The following TNNI1 variants were observed in gnomAD, a reference collection of about 807,000 sequenced individuals.
TNNI1 encodes the protein troponin I, slow skeletal muscle.
A neutral mutation model predicts 26.7 loss-of-function variants in TNNI1; 14 were observed. That is an observed-to-expected ratio of 0.52 (90% confidence interval 0.35 to 0.82). The LOEUF (loss-of-function observed/expected upper bound fraction) is 0.82, where lower values mean the gene tolerates loss of function less well. TNNI1 is among the 40% of genes least tolerant of loss of function. TNNI1 has a pLI of 0.01. For synonymous variants in TNNI1, 79 were observed against 98.2 expected, an observed-to-expected ratio of 0.80 and a Z score of 1.16; for missense variants, 164 against 257.0, an observed-to-expected ratio of 0.64 and a Z score of 2.47.
Position 201,409,413 on chromosome 1 carries a change from C to T in TNNI1, c.*3-163G>A, listed in dbSNP as rs746543496. ...GGGCTCCTACAAAACCTCAGCTTCT[C>T]GGCCCTCGGGCACAGTTGCTCCCCT... On this transcript the variant is annotated intron_variant, in intron 8 of 8. Transcript: ENST00000361379. Among the ~76,000 whole-genome samples, 7 of 152,300 alleles carry T rather than the reference C, an allele frequency of 4.6e-5. No individual in the cohort carries two copies. The East Asian group carries it at 7.7e-4, about 17-fold the overall frequency.
Position 201,408,589 on chromosome 1 carries a change from C to G in TNNI1, c.*664G>C, listed in dbSNP as rs556138022. Reference sequence around the variant, plus strand: ...TTAATGGAGAGGCCTCTTCTGATGGCCAGAGTCAGGGGCAGGACGGGGTCA... The same window carrying G: ...TTAATGGAGAGGCCTCTTCTGATGGGCAGAGTCAGGGGCAGGACGGGGTCA... On this transcript the variant is annotated 3_prime_UTR_variant, in exon 9 of 9. Transcript: ENST00000361379. The G allele has an allele frequency of 2.6e-4, 39 of 152,210 alleles. No homozygotes were observed. The highest frequency in any genetic ancestry group is 8.9e-4 in the African/African-American group (37 of 41,384). 9.4% of individuals were successfully genotyped at this position (152,210 alleles called of 1,614,324 possible). A position where few individuals can be genotyped will look rare whatever the true frequency, so the allele number is the denominator to read the frequency against.
At chr1:201,419,623 C>G (rs1026970991) in intron 1 of TNNI1, among the ~76,000 whole-genome samples, 3 of 152,170 alleles carry the variant, frequency 2.0e-5, no homozygotes, top group Non-Finnish European at 4.4e-5. Context: ...CCAGAGCCAC[C>G]CCTTCCTCTG....
chr1:201,415,061 G>A, intron 4 of TNNI1, 152 bp downstream of exon 4: 6 of 724,318 alleles, frequency 8.3e-6, no homozygotes, highest in Non-Finnish European at 1.2e-5. Flanking sequence ...CCTGGCACTG[G>A]CTCCAGCAAT....
chr1:201,415,144 T>C, intron 4 of TNNI1, 69 bp downstream of exon 4: 1 of 1,389,608 alleles, frequency 7.2e-7, no homozygotes, highest in South Asian at 1.2e-5. Flanking sequence ...TCCACATCCC[T>C]TCAGAGTCTG....
intron 8 of TNNI1, 75 bp from the exon 9 acceptor site, chr1:201,409,325 AGCACATGCAG>A (rs1354977304): frequency 5.9e-5 from 9 of 152,240 alleles, no homozygotes; most frequent in African/African-American, 1.9e-4. Flanking sequence ...ACTTACCTAC[AGCACATGCAG>A]TCCCCAGGGC....
intron 5 of TNNI1, 22 bp downstream of exon 5, chr1:201,414,496 C>T (rs770361157): frequency 3.2e-6 from 5 of 1,551,264 alleles, no homozygotes; most frequent in Non-Finnish European, 4.4e-6. Flanking sequence ...CCACCCTGCC[C>T]CGCCCCACCT....
rs1662704530 is a variant in TNNI1, at chr1:201,414,726, C to T, written c.58-77G>A. On this transcript the variant is annotated intron_variant, in intron 4 of 8. Transcript: ENST00000361379. Reference sequence around the variant, plus strand: ...TCAGGGAATGAGGGGAGGGCAGCCACAGCCTGGGCCAACTCTGAGACCACT... The same window carrying T: ...TCAGGGAATGAGGGGAGGGCAGCCATAGCCTGGGCCAACTCTGAGACCACT... The T allele has an allele frequency of 1.0e-5, 16 of 1,572,664 alleles. No homozygotes were observed. In the South Asian group the frequency reaches 1.3e-4, roughly 13 times the overall value.
chr1:201,416,629 G>T (rs929275428), intron 3 of TNNI1, among the ~76,000 whole-genome samples: 3 of 152,144 alleles, frequency 2.0e-5, no homozygotes, highest in Non-Finnish European at 2.9e-5. Flanking sequence ...CCAGTGTCAG[G>T]GTTTTCTAAC....
At chr1:201,414,370 G>C in intron 5 of TNNI1, 148 bp downstream of exon 5, 1 of 663,328 alleles carries the variant, frequency 1.5e-6, no homozygotes, top group South Asian at 2.3e-5. Context: ...TGGTTGTGAA[G>C]ATTAAATGAG....
At position 201,408,146 on chromosome 1, in the gene TNNI1, C is replaced by G. The variant is rs1002636546; in HGVS notation, c.*1107G>C. Reference sequence around the variant, plus strand: ...GGGGAAGAGAGGCTGCCCCAGACCCCCCTTCCACCCCAGAAGGCCCTATGC... The same window carrying G: ...GGGGAAGAGAGGCTGCCCCAGACCCGCCTTCCACCCCAGAAGGCCCTATGC... On this transcript the variant is annotated 3_prime_UTR_variant, in exon 9 of 9. Coordinates refer to ENST00000361379, the MANE Select transcript of TNNI1 (RefSeq NM_003281.4). The G allele has an allele frequency of 4.6e-5, 7 of 152,606 alleles. No individual in the cohort carries two copies. Among genetic ancestry groups the G allele is most frequent in the Non-Finnish European group, 1.0e-4 (7 of 68,400 alleles). The allele number at this position is 152,606 out of a possible 1,614,324, so 9.5% of individuals were successfully genotyped here.
Position 201,417,146 on chromosome 1 carries a change from G to A in TNNI1, c.12-27C>T, listed in dbSNP as rs764539605. 1.9e-5 allele frequency: 30 copies of A among 1,613,866 alleles called. No individual in the cohort carries two copies. The South Asian group carries it at 2.2e-4, about 12-fold the overall frequency. On this transcript the variant is annotated intron_variant, in intron 2 of 8. Transcript: ENST00000361379. ...TTCAGGCATCCATCACAGGAAGGAC[G>A]GGGAAAGAGCAGAACACAGAGTGAG...
chr1:201,413,496 A>G (rs923128734), intron 5 of TNNI1, among the ~76,000 whole-genome samples: 4 of 152,020 alleles, frequency 2.6e-5, no homozygotes, highest in Non-Finnish European at 4.4e-5. Flanking sequence ...CTGTAATCCC[A>G]GCACTTTGGG....
chr1:201,414,018 T>C (rs1483681413), intron 5 of TNNI1, among the ~76,000 whole-genome samples: 1 of 152,224 alleles, frequency 6.6e-6, no homozygotes, highest in African/African-American at 2.4e-5. Context: ...TTGAAAACTA[T>C]GTATTAAACA....
At chr1:201,412,338 G>GGGA (rs1437797519) in intron 6 of TNNI1, among the ~76,000 whole-genome samples, 1 of 152,162 alleles carries the variant, frequency 6.6e-6, no homozygotes, top group Non-Finnish European at 1.5e-5. Flanking sequence ...GATCTCTAGG[G>GGGA]GGAGTTCTTA....
Position 201,410,400 on chromosome 1 carries a change from G to A in TNNI1, c.492C>T (p.Asn164=), listed in dbSNP as rs919742864. The A allele has an allele frequency of 1.9e-5, 31 of 1,614,000 alleles. No homozygotes were observed. Among genetic ancestry groups the A allele is most frequent in the Middle Eastern group, 1.6e-4 (1 of 6,084 alleles). ...RPVEVGDWRK[N]VEAMSGMEGR... ...CTTCCATGCCAGACATGGCCTCCAC[G>A]TTCTTCCTCCAGTCACCCACCTCCA... Residue 164 remains asparagine (N), a synonymous_variant, in exon 8 of 9, where the codon AAC becomes AAT. Coordinates refer to ENST00000361379, the MANE Select transcript of TNNI1 (RefSeq NM_003281.4).
intron 3 of TNNI1, among the ~76,000 whole-genome samples, chr1:201,415,528 G>A (rs555340728): frequency 1.3e-5 from 2 of 152,020 alleles, no homozygotes; most frequent in Admixed American, 6.6e-5. Flanking sequence ...AGGGCCACAT[G>A]GCTTCTACAG....
At chr1:201,410,632 G>T (rs532450200) in intron 7 of TNNI1, among the ~76,000 whole-genome samples, 197 bp from the exon 8 acceptor site, 1 of 152,340 alleles carries the variant, frequency 6.6e-6, no homozygotes, top group African/African-American at 2.4e-5. Context: ...AAAGGAAGCT[G>T]TGTGGCTTGG....
At chr1:201,420,056 C>T (rs147074836) in intron 1 of TNNI1, among the ~76,000 whole-genome samples, 51 of 152,350 alleles carry the variant, frequency 3.3e-4, no homozygotes, top group Middle Eastern at 3.4e-3. Flanking sequence ...ACCAGGTCTG[C>T]GTCTGTCTCC....
Position 201,411,236 on chromosome 1 carries a change from GT to G in TNNI1, c.456+120del. The G allele has an allele frequency of 1.0e-5, 10 of 1,004,404 alleles. No homozygotes were observed. Among genetic ancestry groups the G allele is most frequent in the Non-Finnish European group, 1.5e-5 (10 of 665,914 alleles). The allele number at this position is 1,004,404 out of a possible 1,614,324, so 62.2% of individuals were successfully genotyped here. A position where few individuals can be genotyped will look rare whatever the true frequency, so the allele number is the denominator to read the frequency against. Reference sequence around the variant, plus strand: ...CTCCCAAAGCATTCTAGAATGTTCTGTCTGTCAAGCTGACTGGTCTCCAACA... The same window carrying G: ...CTCCCAAAGCATTCTAGAATGTTCTGCTGTCAAGCTGACTGGTCTCCAACA... On this transcript the variant is annotated intron_variant, in intron 7 of 8. Coordinates refer to ENST00000361379, the MANE Select transcript of TNNI1 (RefSeq NM_003281.4). This position sits in a 1 kb window ranked among gnomAD's most constrained non-coding sequence, Gnocchi z 4.6.
Sources: allele counts gnomAD v4.1 joint callset (sites outside exome capture counted in the v4.1 genomes callset), GRCh38; gene constraint gnomAD v4.1.1; non-coding constraint Gnocchi (gnomAD v3.1); transcripts MANE v1.5; gene names NCBI Gene and HGNC (gene_info 2026-07-23, HGNC 2026-07-21).